The following TRMT10A variants were observed in gnomAD, a reference collection of about 807,000 sequenced individuals.
TRMT10A encodes tRNA methyltransferase 10A.
Under a neutral mutation model 40.4 loss-of-function variants are expected in TRMT10A, and 37 were observed. The observed-to-expected ratio is 0.92, with a 90% CI of 0.71 to 1.21. The LOEUF is 1.21. TRMT10A is among the 50% of genes most tolerant of loss of function. The probability of loss-of-function intolerance (pLI) is 0.00; values close to 1 mark genes in which losing one functional copy is unlikely to be tolerated. For synonymous variants in TRMT10A, 103 were observed against 134.1 expected, an observed-to-expected ratio of 0.77 and a Z score of 1.60; for missense variants, 388 against 404.3, an observed-to-expected ratio of 0.96 and a Z score of 0.35.
intron 7 of TRMT10A, among the ~76,000 whole-genome samples, chr4:99,550,095 A>G (rs929548654): frequency 6.1e-5 from 6 of 98,840 alleles, no homozygotes; most frequent in African/African-American, 5.0e-4. Context: ...TGTTATTTGC[A>G]ACAGCAAAAA....
At chr4:99,561,584 T>C (rs575906768) in intron 1 of TRMT10A, among the ~76,000 whole-genome samples, 15 of 152,312 alleles carry the variant, frequency 9.8e-5, no homozygotes, top group African/African-American at 3.1e-4. Context: ...ATCTTATAAA[T>C]TATTCCGTAT....
intron 4 of TRMT10A, among the ~76,000 whole-genome samples, chr4:99,556,962 A>G (rs1324013189): frequency 6.6e-6 from 1 of 152,184 alleles, no homozygotes; most frequent in African/African-American, 2.4e-5. Flanking sequence ...AAATCTATAC[A>G]ACAGATACCA....
intron 2 of TRMT10A, 112 bp from the exon 3 acceptor site, chr4:99,558,323 G>A: frequency 1.0e-6 from 1 of 982,792 alleles, no homozygotes; most frequent in Non-Finnish European, 1.4e-6. Context: ...ATATGAAATT[G>A]TCACTTCTGT....
At chr4:99,557,306 A>G (rs1181466886) in intron 4 of TRMT10A, 39 bp downstream of exon 4, 2 of 1,578,112 alleles carry the variant, frequency 1.3e-6, no homozygotes, top group East Asian at 4.5e-5. Context: ...AAAAGACATA[A>G]AAGAAAACTA....
At chr4:99,558,570 T>G (rs753534455) in intron 2 of TRMT10A, among the ~76,000 whole-genome samples, 4 of 152,076 alleles carry the variant, frequency 2.6e-5, no homozygotes, top group Non-Finnish European at 5.9e-5. Context: ...TAAGCCACAT[T>G]TATAAGGTAT....
intron 7 of TRMT10A, among the ~76,000 whole-genome samples, chr4:99,549,903 G>A (rs1578203254): frequency 1.3e-5 from 2 of 152,172 alleles, no homozygotes; most frequent in East Asian, 1.9e-4. Context: ...TATATCAAAG[G>A]TTTTAGAGGC....
chr4:99,553,702 A>G, intron 6 of TRMT10A, 83 bp downstream of exon 6: 1 of 1,328,196 alleles, frequency 7.5e-7, no homozygotes. Context: ...ATGAGCTATC[A>G]TTAGTATTAT....
At chr4:99,552,606 A>G (rs1724005988) in intron 6 of TRMT10A, among the ~76,000 whole-genome samples, 1 of 152,162 alleles carries the variant, frequency 6.6e-6, no homozygotes, top group African/African-American at 2.4e-5. Flanking sequence ...TGGAAGCACC[A>G]TCATTCTTCC....
rs1348817751 is a variant in TRMT10A, at chr4:99,548,068, A to G, written c.*1020T>C. On this transcript the variant is annotated 3_prime_UTR_variant, in exon 8 of 8. Coordinates refer to ENST00000394876, the MANE Select transcript of TRMT10A (RefSeq NM_001134665.3). ...AATTGTTCTTAGCGTGTTCAACACA[A>G]CCATTCACACAAGTAATACAGATAT... 6.6e-6 allele frequency: 1 copy of G among 152,182 alleles called. No homozygotes were observed. The highest frequency in any genetic ancestry group is 1.5e-5 in the Non-Finnish European group (1 of 67,986). 9.4% of individuals were successfully genotyped at this position (152,182 alleles called of 1,614,324 possible).
At chr4:99,560,916 C>G (rs1474143383) in intron 1 of TRMT10A, among the ~76,000 whole-genome samples, 2 of 151,262 alleles carry the variant, frequency 1.3e-5, no homozygotes, top group Non-Finnish European at 1.5e-5. Context: ...CTATTTTATT[C>G]AAAAACGGCA....
intron 6 of TRMT10A, among the ~76,000 whole-genome samples, chr4:99,551,629 T>C (rs1486855309): frequency 6.6e-6 from 1 of 152,130 alleles, no homozygotes; most frequent in Admixed American, 6.5e-5. Flanking sequence ...ATGTATTTAC[T>C]ATACTTTTTA....
At chr4:99,553,955 A>G (rs755755869) in intron 5 of TRMT10A, 21 bp from the exon 6 acceptor site, 2 of 1,605,128 alleles carry the variant, frequency 1.2e-6, no homozygotes, top group Non-Finnish European at 1.7e-6. Context: ...ACAGGGAAAG[A>G]GGTTACTAAT....
chr4:99,552,758 A>C (rs1317631642), intron 6 of TRMT10A, among the ~76,000 whole-genome samples: 3 of 152,168 alleles, frequency 2.0e-5, no homozygotes, highest in Non-Finnish European at 4.4e-5. Flanking sequence ...AAAAATGCAG[A>C]ATATGAATTT....
At chr4:99,549,547 C>G (rs985703417) in intron 7 of TRMT10A, among the ~76,000 whole-genome samples, 191 bp from the exon 8 acceptor site, 1 of 152,142 alleles carries the variant, frequency 6.6e-6, no homozygotes, top group African/African-American at 2.4e-5. Context: ...TACCTCCTAT[C>G]TAGCTTTTTC....
Position 99,547,151 on chromosome 4 carries a change from A to C in TRMT10A, c.*1937T>G, listed in dbSNP as rs1723767846. ...AGAAAAAGAGTTTGGACACGGATAC[A>C]AACATAGAAGACAGGGTAGAAGACC... is the stretch of plus-strand genomic sequence containing the variant. On this transcript the variant is annotated 3_prime_UTR_variant, in exon 8 of 8. Coordinates refer to ENST00000394876, the MANE Select transcript of TRMT10A (RefSeq NM_001134665.3). 1 of 152,190 alleles carries C rather than the reference A, an allele frequency of 6.6e-6. No homozygotes were observed. The highest frequency in any genetic ancestry group is 6.5e-5 in the Admixed American group (1 of 15,270). The allele number at this position is 152,190 out of a possible 1,614,324, so 9.4% of individuals were successfully genotyped here. A position where few individuals can be genotyped will look rare whatever the true frequency, so the allele number is the denominator to read the frequency against.
chr4:99,550,761 A>T (rs1723929843), intron 7 of TRMT10A, 124 bp downstream of exon 7: 2 of 677,342 alleles, frequency 3.0e-6, no homozygotes, highest in Non-Finnish European at 4.9e-6. Flanking sequence ...ATTATAAATT[A>T]TTACTTTTTA....
chr4:99,550,000 A>C (rs1301103838), intron 7 of TRMT10A, among the ~76,000 whole-genome samples: 1 of 152,232 alleles, frequency 6.6e-6, no homozygotes, highest in Non-Finnish European at 1.5e-5. Context: ...TTTAATAAGT[A>C]GTTGTGTATT....
rs972644225 is a variant in TRMT10A, at chr4:99,548,435, G to A, written c.*653C>T. 6.6e-6 allele frequency: 1 copy of A among 152,010 alleles called. No homozygotes were observed. The highest frequency in any genetic ancestry group is 1.9e-4 in the East Asian group (1 of 5,192). 9.4% of individuals were successfully genotyped at this position (152,010 alleles called of 1,614,324 possible). A position where few individuals can be genotyped will look rare whatever the true frequency, so the allele number is the denominator to read the frequency against. On this transcript the variant is annotated 3_prime_UTR_variant, in exon 8 of 8. Coordinates refer to ENST00000394876, the MANE Select transcript of TRMT10A (RefSeq NM_001134665.3). The stretch of plus-strand genomic sequence containing the variant: ...ATAATTGAAGTAACTTATCACCATT[G>A]TAAGAATTAAGAAAATGCATTAAAG...
Position 99,559,192 on chromosome 4 carries a change from T to G in TRMT10A, c.147A>C (p.Ile49=). 1.2e-6 allele frequency: 2 copies of G among 1,613,286 alleles called. No homozygotes were observed. The highest frequency in any genetic ancestry group is 1.7e-6 in the Non-Finnish European group (2 of 1,179,464). The change falls in exon 2 of 8, where the codon ATA becomes ATC. Residue 49 remains isoleucine (I), a synonymous_variant. Coordinates refer to ENST00000394876, the MANE Select transcript of TRMT10A (RefSeq NM_001134665.3). ...GTTGCTCTTCCCATTGTTTCTGTTT[T>G]ATTAGTTTTTTCATTTGTCGTTTAG... ...PISKRQMKKL[I]KQKQWEEQRE...
Sources: allele counts gnomAD v4.1 joint callset (sites outside exome capture counted in the v4.1 genomes callset), GRCh38; gene constraint gnomAD v4.1.1; transcripts MANE v1.5; gene names NCBI Gene and HGNC (gene_info 2026-07-23, HGNC 2026-07-21).